Variants in NEMP1 observed in about 807,000 individuals in gnomAD.
NEMP1 encodes the protein transmembrane protein 194.
A neutral mutation model predicts 53.7 loss-of-function variants in NEMP1; 29 were observed. The observed-to-expected ratio is 0.54, with a 90% CI of 0.40 to 0.74. The LOEUF (loss-of-function observed/expected upper bound fraction) is 0.74. NEMP1 is among the 30% of genes least tolerant of loss of function. NEMP1 has a pLI of 0.00. For missense variants in NEMP1, 477 were observed against 528.6 expected (o/e 0.90, Z 0.96); for synonymous variants, 193 against 192.9 (o/e 1.00, Z 0.00).
chr12:57,084,257 C>T (rs956478372), intron 1 of NEMP1, among the ~76,000 whole-genome samples: 4 of 152,142 alleles, frequency 2.6e-5, no homozygotes, highest in Non-Finnish European at 2.9e-5. Context: ...CCACAGTACC[C>T]GGTCAAGCTT....
rs1326532320 is a variant in NEMP1 at position 57,070,871 on chromosome 12, A to G, written c.275T>C (p.Leu92Ser). 1.2e-6 allele frequency: 2 copies of G among 1,614,010 alleles called. No homozygotes were observed. The highest frequency in any genetic ancestry group is 1.6e-4 in the Middle Eastern group (1 of 6,062). ...RIQIRVNSSR[L>S]VRVTQVENEE... is the part of the protein sequence containing the mutation. Reference sequence around the variant, plus strand: ...ATTCTCCACCTGGGTGACTCGAACCAATCTGGAACTATTTACTCGGATCTG... The same window carrying G: ...ATTCTCCACCTGGGTGACTCGAACCGATCTGGAACTATTTACTCGGATCTG... The change falls in exon 3 of 9, where the codon TTG becomes TCG. Residue 92 changes from leucine to serine, a missense_variant. By Grantham distance (145) the Leu-to-Ser change is moderately radical (BLOSUM62 -2). Coordinates refer to ENST00000300128, the MANE Select transcript of NEMP1 (RefSeq NM_001130963.2).
At position 57,069,806 on chromosome 12, in the gene NEMP1, TCA is replaced by T. The variant is rs1452064426; in HGVS notation, c.473-502_473-501del. Among the ~76,000 whole-genome samples the T allele has an allele frequency of 2.7e-5, 4 of 150,190 alleles. No individual in the cohort carries two copies. The East Asian group carries it at 5.8e-4, about 22-fold the overall frequency. On this transcript the variant is annotated intron_variant, in intron 3 of 8. Coordinates refer to ENST00000300128, the MANE Select transcript of NEMP1 (RefSeq NM_001130963.2). ...GGAAAAGCCTACACGCAAATACCTC[TCA>T]CTCAGGACCAGGGGGCCCTAGCAAA...
intron 1 of NEMP1, among the ~76,000 whole-genome samples, chr12:57,075,788 G>A (rs1379384390): frequency 3.3e-5 from 5 of 150,790 alleles, no homozygotes; most frequent in African/African-American, 7.3e-5. Flanking sequence ...CCAACATGGC[G>A]AAATCCCACT....
Position 57,064,163 on chromosome 12 carries a change from A to G in NEMP1, c.662T>C (p.Leu221Pro), listed in dbSNP as rs773545080. The stretch of plus-strand genomic sequence containing the variant: ...CAGAGAAAAAGACCAGCCTCCCACC[A>G]GGATGACGTAAATGGGACTTTTCTA... Reference protein sequence around the residue: ...MPKKSPIYVILVGGWSFSLYL... With the variant: ...MPKKSPIYVIPVGGWSFSLYL... The change falls in exon 6 of 9, where the codon CTG becomes CCG. Residue 221 changes from leucine (L) to proline (P), a missense_variant. Leu to Pro is a moderately conservative substitution (Grantham distance 98). Coordinates refer to ENST00000300128, the MANE Select transcript of NEMP1 (RefSeq NM_001130963.2). 2 of 1,608,818 alleles carry G rather than the reference A, an allele frequency of 1.2e-6. No homozygotes were observed. Among genetic ancestry groups the G allele is most frequent in the Non-Finnish European group, 1.7e-6 (2 of 1,178,190 alleles).
chr12:57,064,278 A>C, intron 5 of NEMP1, 93 bp from the exon 6 acceptor site: 1 of 735,360 alleles, frequency 1.4e-6, no homozygotes, highest in Non-Finnish European at 2.2e-6. Context: ...TTTTTTAAAA[A>C]ATTCAACCTA....
chr12:57,066,276 A>C (rs1223907119), intron 4 of NEMP1, among the ~76,000 whole-genome samples: 3 of 152,142 alleles, frequency 2.0e-5, no homozygotes, highest in African/African-American at 7.2e-5. Flanking sequence ...CAAACAAACA[A>C]AAAAAGAGTT....
At chr12:57,061,184 A>C (rs770391350) in intron 7 of NEMP1, among the ~76,000 whole-genome samples, 12 of 152,240 alleles carry the variant, frequency 7.9e-5, no homozygotes, top group Non-Finnish European at 1.5e-4. Flanking sequence ...TATAATTTGC[A>C]CCACCTTGTG....
At position 57,057,820 on chromosome 12, in the gene NEMP1, G is replaced by A. The variant is rs1303362243; in HGVS notation, c.*2059C>T. The A allele has an allele frequency of 1.3e-5, 2 of 152,154 alleles. No individual in the cohort carries two copies. Among genetic ancestry groups the A allele is most frequent in the African/African-American group, 2.4e-5 (1 of 41,444 alleles). The allele number at this position is 152,154 out of a possible 1,614,324, so 9.4% of individuals were successfully genotyped here. On this transcript the variant is annotated 3_prime_UTR_variant, in exon 9 of 9. Transcript: ENST00000300128. Reference sequence around the variant, plus strand: ...TCTCATTGAAATAAAGACATGATCAGGAAAAGTCACCCTTATAGGCAAGCT... The same window carrying A: ...TCTCATTGAAATAAAGACATGATCAAGAAAAGTCACCCTTATAGGCAAGCT...
At chr12:57,071,518 C>T (rs996533915) in intron 2 of NEMP1, among the ~76,000 whole-genome samples, 4 of 152,072 alleles carry the variant, frequency 2.6e-5, no homozygotes, top group Admixed American at 1.3e-4. Context: ...GCTGGGACTA[C>T]AGGGTGTGCG....
upstream of NEMP1, among the ~76,000 whole-genome samples, chr12:57,079,476 C>G (rs1005865777): frequency 1.3e-5 from 2 of 152,204 alleles, no homozygotes; most frequent in South Asian, 2.1e-4. Flanking sequence ...AAGACAGCCA[C>G]AGGAACCTGC....
chr12:57,063,294 C>T lies in NEMP1; in HGVS notation c.805G>A (p.Gly269Arg). Residue 269 changes from glycine to arginine, a missense_variant, in exon 7 of 9, where the codon GGG becomes AGG. Physicochemically the swap from Gly to Arg is moderately radical, Grantham distance 125. Transcript: ENST00000300128. ...ATACTTCGTTCATTCTCCAAGGGCC[C>T]ATACTTGTAACATACTGCAAAACTC... Reference protein sequence around the residue: ...FMSFAVCYKYGPLENERSINL... With the variant: ...FMSFAVCYKYRPLENERSINL... The T allele has an allele frequency of 1.9e-6, 3 of 1,614,190 alleles. No homozygotes were observed. Among genetic ancestry groups the T allele is most frequent in the Non-Finnish European group, 2.5e-6 (3 of 1,180,042 alleles).
Position 57,060,952 on chromosome 12 carries a change from T to C in NEMP1, c.981-7A>G. On this transcript the variant is annotated splice_polypyrimidine_tract_variant and splice_region_variant and intron_variant, in intron 7 of 8. Transcript: ENST00000300128. The stretch of plus-strand genomic sequence containing the variant: ...TGCTCCCTTACACACCTTTCTGTGC[T>C]CACCAAAATAACATTATGAATCATT... 1 of 1,610,744 alleles carries C rather than the reference T, an allele frequency of 6.2e-7. No homozygotes were observed. The highest frequency in any genetic ancestry group is 8.5e-7 in the Non-Finnish European group (1 of 1,178,996).
At chr12:57,078,554 A>G (rs2032737593) in intron 1 of NEMP1, 65 bp downstream of exon 1, 26 of 1,552,354 alleles carry the variant, frequency 1.7e-5, no homozygotes, top group Non-Finnish European at 2.0e-5. Flanking sequence ...CCCTCGGGAC[A>G]ATCCCTTTTC....
chr12:57,066,542 A>G (rs1318557450), intron 4 of NEMP1, among the ~76,000 whole-genome samples: 2 of 152,162 alleles, frequency 1.3e-5, no homozygotes, highest in Admixed American at 6.5e-5. Flanking sequence ...AAGACTCACA[A>G]TCTACTCTAG....
chr12:57,070,732 G>C lies in NEMP1; in HGVS notation c.414C>G (p.Thr138=). The C allele has an allele frequency of 6.3e-7, 1 of 1,576,196 alleles. No homozygotes were observed. Among genetic ancestry groups the C allele is most frequent in the East Asian group, 2.4e-5 (1 of 42,342 alleles). The part of the protein sequence containing the change: ...YVNVGLYSTK[T]CLKVEIIEKD... ...TCTCTATAATCTCAACTTTGAGGCAGGTTTTTGTGCTGTATAGACCCACGT... is the reference window on the plus strand; with the variant it reads ...TCTCTATAATCTCAACTTTGAGGCACGTTTTTGTGCTGTATAGACCCACGT... The change falls in exon 3 of 9, where the codon ACC becomes ACG. Residue 138 remains threonine (T), a synonymous_variant. Transcript: ENST00000300128.
In NEMP1 at chr12:57,084,473, T is replaced by C. The variant is rs140973400; in HGVS notation, n.113+3478A>G. Among the ~76,000 whole-genome samples the C allele has an allele frequency of 1.8e-4, 28 of 152,280 alleles. No individual in the cohort carries two copies. The East Asian group carries it at 5.0e-3, about 27-fold the overall frequency. On this transcript the variant is annotated intron_variant and non_coding_transcript_variant, in intron 1 of 2. Transcript: ENST00000553654. ...CCAATCAATCAAGTCCTGTCGATCT[T>C]ATTTTCTATATTTTGAATCTGTTCT... is the stretch of plus-strand genomic sequence containing the variant.
upstream of NEMP1, among the ~76,000 whole-genome samples, chr12:57,080,933 G>A (rs377106193): frequency 7.9e-5 from 12 of 151,906 alleles, no homozygotes; most frequent in East Asian, 1.7e-3. Context: ...CTGAGCTATG[G>A]GCAAGAGAAG....
At chr12:57,078,531 G>C in intron 1 of NEMP1, 88 bp downstream of exon 1, 1 of 1,504,374 alleles carries the variant, frequency 6.6e-7, no homozygotes, top group Non-Finnish European at 8.9e-7. Flanking sequence ...CTTCTGCAGA[G>C]TAACGGCCCG....
intron 7 of NEMP1, 88 bp from the exon 8 acceptor site, chr12:57,061,033 C>T (rs895804672): frequency 3.0e-6 from 4 of 1,343,108 alleles, no homozygotes; most frequent in Non-Finnish European, 4.1e-6. Flanking sequence ...GCCAAGAATA[C>T]AGCAGACAGC....
Sources: allele counts gnomAD v4.1 joint callset (sites outside exome capture counted in the v4.1 genomes callset), GRCh38; gene constraint gnomAD v4.1.1; transcripts MANE v1.5; gene names NCBI Gene and HGNC (gene_info 2026-07-23, HGNC 2026-07-21).